OSBPL10: variants seen among roughly 807,000 people sequenced by gnomAD.
OSBPL10 encodes oxysterol-binding protein-related protein 10.
OSBPL10 carries 49 observed loss-of-function variants against 81.7 expected under a neutral mutation model. The ratio of observed to expected loss-of-function variants is 0.60; its 90% CI spans 0.48 to 0.76. OSBPL10 has a LOEUF of 0.76. OSBPL10 is among the 30% of genes least tolerant of loss of function. OSBPL10 has a pLI of 0.00. For missense variants in OSBPL10, 923 were observed against 987.8 expected (o/e 0.93, Z 0.88); for synonymous variants, 419 against 383.6 (o/e 1.09, Z -1.08).
chr3:31,666,058 G>A (rs953023792), intron 10 of OSBPL10, among the ~76,000 whole-genome samples: 10 of 152,178 alleles, frequency 6.6e-5, no homozygotes, highest in Non-Finnish European at 1.3e-4. Flanking sequence ...AGAAAAAGGA[G>A]TCTCCAGGGT....
At chr3:31,878,619 T>C (rs1251350583) in intron 2 of OSBPL10, among the ~76,000 whole-genome samples, 2 of 152,222 alleles carry the variant, frequency 1.3e-5, no homozygotes, top group Non-Finnish European at 2.9e-5. Flanking sequence ...GTGAGGAATG[T>C]AGTCCCTCAG....
intron 1 of OSBPL10, among the ~76,000 whole-genome samples, chr3:32,051,915 A>G (rs932333887): frequency 6.6e-6 from 1 of 152,186 alleles, no homozygotes; most frequent in South Asian, 2.1e-4. Flanking sequence ...TTTAGTTCAC[A>G]TGACTTTAGT....
intron 4 of OSBPL10, among the ~76,000 whole-genome samples, chr3:31,794,073 C>T (rs1176312490): frequency 6.6e-6 from 1 of 152,168 alleles, no homozygotes; most frequent in African/African-American, 2.4e-5. Context: ...GGGGACTTGC[C>T]CCTGCTGCAC....
At chr3:31,949,592 C>T (rs1351448474) in intron 1 of OSBPL10, among the ~76,000 whole-genome samples, 45 of 133,112 alleles carry the variant, frequency 3.4e-4, no homozygotes, top group African/African-American at 1.2e-3. Context: ...CACGTGAACC[C>T]GGGAGGTGGA....
At chr3:31,838,375 G>C (rs1354010801) in intron 3 of OSBPL10, among the ~76,000 whole-genome samples, 1 of 152,060 alleles carries the variant, frequency 6.6e-6, no homozygotes, top group Non-Finnish European at 1.5e-5. Context: ...GCCGGGCGTG[G>C]TGGCGGCAGC....
intron 3 of OSBPL10, among the ~76,000 whole-genome samples, chr3:31,866,144 G>C (rs1274407983): frequency 6.6e-6 from 1 of 152,114 alleles, no homozygotes; most frequent in Non-Finnish European, 1.5e-5. Context: ...TTGGCGGGAG[G>C]AACAATTAAA....
intron 4 of OSBPL10, among the ~76,000 whole-genome samples, chr3:31,814,733 A>G (rs1699791224): frequency 6.6e-6 from 1 of 152,188 alleles, no homozygotes; most frequent in Non-Finnish European, 1.5e-5. Flanking sequence ...CTGTGGTTTA[A>G]GCCACCCAGC....
chr3:32,063,791 G>A lies in OSBPL10; in HGVS notation n.185+13605C>T, dbSNP rs1320830807. On this transcript the variant is annotated intron_variant and non_coding_transcript_variant, in intron 1 of 3. Transcript: ENST00000479173. ...CTCGCTGTCTCTCCCCTGCTGCCAC[G>A]TAAGACGTGCCTTGCTTCCTGTTCA... Among the ~76,000 whole-genome samples, 4 of 92,644 alleles carry A rather than the reference G, an allele frequency of 4.3e-5. 1 individual carries two copies. The highest frequency in any genetic ancestry group is 5.8e-5 in the Non-Finnish European group (2 of 34,588). 60.8% of individuals were successfully genotyped at this position (92,644 alleles called of 152,430 possible). A position where few individuals can be genotyped will look rare whatever the true frequency, so the allele number is the denominator to read the frequency against.
intron 4 of OSBPL10, among the ~76,000 whole-genome samples, chr3:31,781,664 C>T (rs1698699371): frequency 6.6e-6 from 1 of 152,122 alleles, no homozygotes. Flanking sequence ...CCAACAGCAA[C>T]CAAGTTTAGA....
intron 2 of OSBPL10, 98 bp downstream of exon 2, chr3:31,879,557 T>C: frequency 7.7e-7 from 1 of 1,299,706 alleles, no homozygotes; most frequent in Non-Finnish European, 1.1e-6. Context: ...CAGCAAACTG[T>C]CAAAGGCAAT....
intron 2 of OSBPL10, among the ~76,000 whole-genome samples, chr3:32,039,603 G>A (rs549899903): frequency 1.1e-3 from 166 of 152,000 alleles, no homozygotes; most frequent in African/African-American, 3.7e-3. Flanking sequence ...AGATTGCAGT[G>A]AGCTGAGATC....
At chr3:32,056,701 G>A (rs866426550) in intron 1 of OSBPL10, among the ~76,000 whole-genome samples, 12 of 152,134 alleles carry the variant, frequency 7.9e-5, no homozygotes, top group East Asian at 1.9e-4. Flanking sequence ...ATGGACCTTC[G>A]TCCCTCTGCA....
intron 1 of OSBPL10, among the ~76,000 whole-genome samples, chr3:31,934,659 G>T (rs1341009042): frequency 6.7e-6 from 1 of 149,598 alleles, no homozygotes; most frequent in African/African-American, 2.5e-5. Flanking sequence ...CACCCGCCTC[G>T]GCCTCCCAAG....
At chr3:32,056,460 T>C (rs976744718) in intron 1 of OSBPL10, among the ~76,000 whole-genome samples, 1 of 152,240 alleles carries the variant, frequency 6.6e-6, no homozygotes, top group Non-Finnish European at 1.5e-5. Flanking sequence ...TTGTGGAGTA[T>C]ATTGCTGTTG....
At chr3:31,729,874 G>A (rs1344496357) in intron 6 of OSBPL10, among the ~76,000 whole-genome samples, 1 of 152,118 alleles carries the variant, frequency 6.6e-6, no homozygotes, top group African/African-American at 2.4e-5. Context: ...CACCACAACT[G>A]CCTCTAAACA....
rs374471351 is a variant in OSBPL10 at position 32,040,928 on chromosome 3, C to T, written n.298+5563G>A. Among the ~76,000 whole-genome samples, 7 of 152,184 alleles carry T rather than the reference C, an allele frequency of 4.6e-5. No individual in the cohort carries two copies. In the East Asian group the frequency reaches 7.7e-4, roughly 17 times the overall value. ...TGTTCCTTGCAGCTCCAGAGAGGTACAGGAGATTATCTCTGTGTCCCTATG... is the reference window on the plus strand; with the variant it reads ...TGTTCCTTGCAGCTCCAGAGAGGTATAGGAGATTATCTCTGTGTCCCTATG... On this transcript the variant is annotated intron_variant and non_coding_transcript_variant, in intron 2 of 3. Coordinates refer to the OSBPL10 transcript ENST00000479173.
chr3:31,776,695 AG>A (rs1306712609), intron 4 of OSBPL10, among the ~76,000 whole-genome samples: 5 of 152,260 alleles, frequency 3.3e-5, no homozygotes, highest in Admixed American at 2.6e-4. Flanking sequence ...AGACATAAAA[AG>A]TCATAAATTC....
At chr3:31,735,401 C>T (rs1313931950) in intron 5 of OSBPL10, among the ~76,000 whole-genome samples, 2 of 152,178 alleles carry the variant, frequency 1.3e-5, no homozygotes, top group East Asian at 3.9e-4. Context: ...GATTGCACCA[C>T]TACCCTCCAG....
intron 2 of OSBPL10, among the ~76,000 whole-genome samples, chr3:31,877,867 T>C (rs1415776182): frequency 6.6e-6 from 1 of 152,176 alleles, no homozygotes; most frequent in Non-Finnish European, 1.5e-5. Flanking sequence ...GCCTTTTTCC[T>C]TAGTAAACTT....
Sources: allele counts gnomAD v4.1 joint callset (sites outside exome capture counted in the v4.1 genomes callset), GRCh38; gene constraint gnomAD v4.1.1; transcripts MANE v1.5; gene names NCBI Gene and HGNC (gene_info 2026-07-23, HGNC 2026-07-21).